The following SND1 variants were observed in gnomAD, a reference collection of about 807,000 sequenced individuals.
SND1 encodes staphylococcal nuclease and tudor domain containing 1.
SND1 carries 38 observed loss-of-function variants against 121.7 expected under a neutral mutation model. That is an observed-to-expected ratio of 0.31 (90% CI 0.24 to 0.41). SND1 has a LOEUF of 0.41. Among genes scored for constraint, SND1 ranks in the 10% least tolerant of loss-of-function variants. The pLI is 1.00. For missense variants in SND1, 868 were observed against 1,184.6 expected (o/e 0.73, Z 3.92); for synonymous variants, 401 against 447.4 (o/e 0.90, Z 1.31).
At chr7:127,716,347 C>T (rs550537474) in intron 9 of SND1, among the ~76,000 whole-genome samples, 10 of 152,176 alleles carry the variant, frequency 6.6e-5, no homozygotes, top group South Asian at 6.2e-4. Context: ...GATCATGGGA[C>T]GTGTTTCCGT....
At chr7:127,997,196 A>G (rs184243959) in intron 16 of SND1, among the ~76,000 whole-genome samples, 69 of 152,354 alleles carry the variant, frequency 4.5e-4, no homozygotes, top group Admixed American at 3.7e-3. Context: ...AAATATCTGC[A>G]TTCCAAATCA....
Position 128,085,163 on chromosome 7 carries a change from A to T in SND1, c.2234+316A>T, listed in dbSNP as rs984418796. Among the ~76,000 whole-genome samples the T allele has an allele frequency of 1.3e-5, 2 of 152,150 alleles. No individual in the cohort carries two copies. The highest frequency in any genetic ancestry group is 4.8e-5 in the African/African-American group (2 of 41,454). On this transcript the variant is annotated intron_variant, in intron 19 of 23. Coordinates refer to ENST00000354725, the MANE Select transcript of SND1 (RefSeq NM_014390.4). The surrounding 1 kb of genome is among the most constrained non-coding windows in gnomAD (Gnocchi z 4.4). ...AGCACACCCCTCACCCCACCCAGGA[A>T]GAATGATGTTACAGGGGGCTGAGGT...
At chr7:127,769,437 T>C (rs1325957187) in intron 10 of SND1, among the ~76,000 whole-genome samples, 1 of 152,182 alleles carries the variant, frequency 6.6e-6, no homozygotes, top group East Asian at 1.9e-4. Flanking sequence ...CTACCTGGAG[T>C]ATTGAATTCC....
intron 10 of SND1, among the ~76,000 whole-genome samples, chr7:127,746,236 A>G (rs1055281934): frequency 1.9e-4 from 29 of 152,220 alleles, no homozygotes; most frequent in African/African-American, 6.8e-4. Flanking sequence ...CCAGTATGAT[A>G]CATTGTAATT....
At chr7:127,664,814 G>A (rs1795384777) in intron 1 of SND1, among the ~76,000 whole-genome samples, 1 of 152,148 alleles carries the variant, frequency 6.6e-6, no homozygotes. Context: ...TTGAATTGTA[G>A]AACACCCAGT....
At chr7:127,727,216 C>T (rs1303411685) in intron 10 of SND1, among the ~76,000 whole-genome samples, 2 of 152,186 alleles carry the variant, frequency 1.3e-5, no homozygotes, top group Non-Finnish European at 2.9e-5. Context: ...TTGGGGAGTT[C>T]ATCTCCCAGA....
intron 14 of SND1, among the ~76,000 whole-genome samples, chr7:127,922,175 C>CTTTTTTTTTTTTTTTTTTTTTTCTTTTTT (rs1800722508): frequency 1.7e-5 from 1 of 57,176 alleles, no homozygotes; most frequent in Non-Finnish European, 3.0e-5. Context: ...TTTTTCTTTC[C>CTTTTTTTTTTTTTTTTTTTTTTCTTTTTT]TTTTTTTTTT....
intron 12 of SND1, among the ~76,000 whole-genome samples, chr7:127,876,162 A>G (rs1799686190): frequency 6.6e-6 from 1 of 151,754 alleles, no homozygotes; most frequent in African/African-American, 2.4e-5. Flanking sequence ...CTTCATTGTC[A>G]TTATTCAGAT....
chr7:127,904,508 C>A (rs1800294056), intron 13 of SND1: 2 of 358,596 alleles, frequency 5.6e-6, no homozygotes, highest in Non-Finnish European at 5.2e-6. Context: ...ACTAAGCACA[C>A]TGTTAGTGGA....
At chr7:127,670,993 A>C (rs1282700594) in intron 1 of SND1, among the ~76,000 whole-genome samples, 1 of 152,228 alleles carries the variant, frequency 6.6e-6, no homozygotes, top group Non-Finnish European at 1.5e-5. Flanking sequence ...CATTTGGAAA[A>C]GATAATGAAA....
rs748155834 is a variant in SND1 at position 127,929,160 on chromosome 7, G to C, written c.1528-28G>C. On this transcript the variant is annotated intron_variant, in intron 14 of 23. Transcript: ENST00000354725. ...AAACGTTGGGTTTTATTACTTTCCA[G>C]TTACTCTTTTCCTCTTTTCTCCATC... 14 of 1,612,046 alleles carry C rather than the reference G, an allele frequency of 8.7e-6. No individual in the cohort carries two copies. In the South Asian group the frequency reaches 1.4e-4, roughly 16 times the overall value.
chr7:127,894,865 G>A (rs1800086747), intron 13 of SND1, among the ~76,000 whole-genome samples: 1 of 150,318 alleles, frequency 6.7e-6, no homozygotes, highest in Admixed American at 6.6e-5. Context: ...GGCGATAATA[G>A]CGGTGAACAA....
chr7:127,961,682 T>C (rs1801733317), intron 15 of SND1, among the ~76,000 whole-genome samples: 1 of 152,216 alleles, frequency 6.6e-6, no homozygotes, highest in Admixed American at 6.5e-5. Context: ...TTAGTATCGT[T>C]GTGGGCTTAT....
At chr7:127,939,532 T>G (rs1801144389) in intron 15 of SND1, among the ~76,000 whole-genome samples, 1 of 152,114 alleles carries the variant, frequency 6.6e-6, no homozygotes, top group Non-Finnish European at 1.5e-5. Context: ...GCTTCCTAAT[T>G]AATTATTTCC....
At chr7:127,798,651 A>C (rs2116558439) in intron 10 of SND1, among the ~76,000 whole-genome samples, 1 of 151,390 alleles carries the variant, frequency 6.6e-6, no homozygotes, top group East Asian at 1.9e-4. Flanking sequence ...TAAAACTCTG[A>C]CCCCCTCTTT....
intron 14 of SND1, among the ~76,000 whole-genome samples, chr7:127,920,469 A>G (rs974343811): frequency 6.6e-6 from 1 of 152,210 alleles, no homozygotes. Context: ...TTACAAAGCC[A>G]TGATACTATA....
intron 1 of SND1, among the ~76,000 whole-genome samples, chr7:127,654,917 G>T (rs1425918732): frequency 6.6e-6 from 1 of 152,222 alleles, no homozygotes; most frequent in Non-Finnish European, 1.5e-5. Flanking sequence ...AAGCAAAGTT[G>T]TATTTTCCTG....
rs138461449 is a variant in SND1, at chr7:127,991,692, G to T, written c.1779+636G>T. Among the ~76,000 whole-genome samples the T allele has an allele frequency of 2.5e-3, 388 of 152,200 alleles. 13 individuals are homozygous for T. The highest frequency in any genetic ancestry group is 0.023 in the Admixed American group (358 of 15,278). Reference sequence around the variant, plus strand: ...TGCTTGGCTCAGCCTTAGGATTTTTGAATCTGCCATTGTCCCCATTTCTTT... The same window carrying T: ...TGCTTGGCTCAGCCTTAGGATTTTTTAATCTGCCATTGTCCCCATTTCTTT... On this transcript the variant is annotated intron_variant, in intron 16 of 23. Coordinates refer to ENST00000354725, the MANE Select transcript of SND1 (RefSeq NM_014390.4).
intron 21 of SND1, 41 bp from the exon 22 acceptor site, chr7:128,089,448 G>A (rs1793739472): frequency 6.4e-7 from 1 of 1,567,108 alleles, no homozygotes; most frequent in Non-Finnish European, 8.7e-7. Context: ...CCAAGTGGTT[G>A]TTCTCTGGCT....
Sources: allele counts gnomAD v4.1 joint callset (sites outside exome capture counted in the v4.1 genomes callset), GRCh38; gene constraint gnomAD v4.1.1; non-coding constraint Gnocchi (gnomAD v3.1); transcripts MANE v1.5; gene names NCBI Gene and HGNC (gene_info 2026-07-23, HGNC 2026-07-21).